Variants in ANOS1 observed in about 807,000 individuals in gnomAD.
The protein encoded by ANOS1 is anosmin 1, also known as anosmin-1.
In ANOS1, 6 loss-of-function variants were observed where a neutral mutation model predicts 59.0. The observed-to-expected ratio is 0.10, with a 90% CI of 0.06 to 0.20. The LOEUF (loss-of-function observed/expected upper bound fraction) is 0.20. Ranked by LOEUF, ANOS1 falls within the 10% of genes least tolerant of loss-of-function variation. ANOS1 has a pLI of 1.00. For missense variants in ANOS1, 433 were observed against 542.3 expected (o/e 0.80, Z 2.00); for synonymous variants, 217 against 223.4 (o/e 0.97, Z 0.25).
At chrX:8,648,894 T>C (rs1277161194) in intron 2 of ANOS1, among the ~76,000 whole-genome samples, 1 of 111,812 alleles carries the variant, frequency 8.9e-6, no homozygotes, top group Non-Finnish European at 1.9e-5. Context: ...ACTACCAGCA[T>C]CAGGTGCACT....
intron 3 of ANOS1, among the ~76,000 whole-genome samples, chrX:8,615,563 A>G (rs1204004701): frequency 5.6e-5 from 6 of 106,538 alleles, no homozygotes; most frequent in Non-Finnish European, 1.9e-5. Flanking sequence ...AAAAAAAGAA[A>G]AGAAAAGAAA....
chrX:8,691,553 G>A (rs1932608922), intron 2 of ANOS1, among the ~76,000 whole-genome samples: 1 of 111,312 alleles, frequency 9.0e-6, no homozygotes, highest in Non-Finnish European at 1.9e-5. Context: ...GGATGAATAG[G>A]GTCAATAAGG....
chrX:8,559,099 C>A (rs1037959603), intron 8 of ANOS1, among the ~76,000 whole-genome samples: 1 of 111,778 alleles, frequency 8.9e-6, no homozygotes, highest in African/African-American at 3.3e-5. Flanking sequence ...CCAGGCAAAT[C>A]TGCTCTAATG....
At position 8,673,703 on chromosome X, in the gene ANOS1, G is replaced by T. The variant is rs746831627; in HGVS notation, c.255+25995C>A. On this transcript the variant is annotated intron_variant, in intron 2 of 13. Transcript: ENST00000262648. ...TGAATTGTGCATCCTGTTATGCCTC[G>T]AAACGTTAACTCAACTCATATTTTT... Among the ~76,000 whole-genome samples the T allele has an allele frequency of 1.4e-3, 156 of 111,161 alleles. 1 individual carries two copies. The highest frequency in any genetic ancestry group is 2.3e-3 in the Non-Finnish European group (120 of 53,064).
rs919038235 is a variant in ANOS1, at chrX:8,583,853, T to A, written c.856+1414A>T. On this transcript the variant is annotated intron_variant, in intron 6 of 13. Coordinates refer to ENST00000262648, the MANE Select transcript of ANOS1 (RefSeq NM_000216.4). Reference sequence around the variant, plus strand: ...CATTCTAGATTATAAGTTGCTCCGATATACTAGGAAGTGTCAGGACAGCTT... The same window carrying A: ...CATTCTAGATTATAAGTTGCTCCGAAATACTAGGAAGTGTCAGGACAGCTT... Among the ~76,000 whole-genome samples the A allele has an allele frequency of 2.7e-5, 3 of 111,959 alleles. No individual in the cohort carries two copies. The Admixed American group carries it at 2.8e-4, about 11-fold the overall frequency.
intron 2 of ANOS1, among the ~76,000 whole-genome samples, chrX:8,664,190 C>T (rs764167302): frequency 5.4e-5 from 6 of 111,454 alleles, no homozygotes; most frequent in Non-Finnish European, 9.4e-5. Flanking sequence ...ATAAAATAAA[C>T]TTTGTTTGTT....
intron 9 of ANOS1, among the ~76,000 whole-genome samples, chrX:8,540,061 G>T (rs1027424365): frequency 9.1e-6 from 1 of 110,015 alleles, no homozygotes; most frequent in African/African-American, 3.3e-5. Flanking sequence ...ATAGCAAAAT[G>T]ATTCCAAAGA....
intron 9 of ANOS1, among the ~76,000 whole-genome samples, chrX:8,547,335 C>G (rs1044508015): frequency 1.8e-5 from 2 of 111,823 alleles, no homozygotes; most frequent in Non-Finnish European, 3.8e-5. Context: ...CATTCCCGAT[C>G]TTTCTCCCAG....
chrX:8,532,208 G>T lies in ANOS1; in HGVS notation c.*787C>A, dbSNP rs1334063844. 1 of 111,773 alleles carries T rather than the reference G, an allele frequency of 8.9e-6. No homozygotes were observed. The highest frequency in any genetic ancestry group is 3.2e-5 in the African/African-American group (1 of 30,793). The allele number at this position is 111,773 out of a possible 1,213,427, so 9.2% of individuals were successfully genotyped here. The stretch of plus-strand genomic sequence containing the variant: ...ATTATCTGCATTGAGGAAAATAAGG[G>T]AAAATATAAATAAGATAACATATCA... On this transcript the variant is annotated 3_prime_UTR_variant, in exon 14 of 14. Transcript: ENST00000262648.
intron 2 of ANOS1, among the ~76,000 whole-genome samples, chrX:8,668,478 G>C (rs1350867871): frequency 6.3e-5 from 5 of 79,497 alleles, no homozygotes; most frequent in African/African-American, 2.4e-4. Flanking sequence ...ATACATATAT[G>C]ATAGTCCATA....
intron 1 of ANOS1, among the ~76,000 whole-genome samples, chrX:8,725,601 T>TATACAGATATAC (rs1932908037): frequency 1.8e-5 from 1 of 56,133 alleles, no homozygotes; most frequent in African/African-American, 8.2e-5. Context: ...TACAGATATA[T>TATACAGATATAC]ATATACAGAT....
At chrX:8,731,093 C>T (rs145436877) in intron 1 of ANOS1, among the ~76,000 whole-genome samples, 371 of 112,355 alleles carry the variant, frequency 3.3e-3, no homozygotes, top group Non-Finnish European at 5.0e-3. Context: ...ACGGTTCCCC[C>T]GGGACTCGTT....
At chrX:8,567,828 A>G (rs1234149260) in intron 8 of ANOS1, among the ~76,000 whole-genome samples, 1 of 111,051 alleles carries the variant, frequency 9.0e-6, no homozygotes, top group Non-Finnish European at 1.9e-5. Flanking sequence ...AAACAAAACA[A>G]CAACAACAAC....
intron 3 of ANOS1, among the ~76,000 whole-genome samples, chrX:8,617,984 C>T (rs1458092575): frequency 1.8e-5 from 2 of 110,884 alleles, no homozygotes; most frequent in Non-Finnish European, 3.8e-5. Flanking sequence ...GGAAACCCTA[C>T]AATACAGCAG....
chrX:8,650,138 G>A (rs1931827518), intron 2 of ANOS1, among the ~76,000 whole-genome samples: 1 of 112,175 alleles, frequency 8.9e-6, no homozygotes, highest in South Asian at 3.7e-4. Flanking sequence ...GGAGGTTCCA[G>A]TTCTCCTGGG....
intron 9 of ANOS1, among the ~76,000 whole-genome samples, chrX:8,552,656 T>C (rs985958304): frequency 3.6e-5 from 4 of 111,903 alleles, no homozygotes; most frequent in African/African-American, 1.3e-4. Context: ...GTTACTCTTG[T>C]ATGCTTGAGA....
chrX:8,600,929 G>A (rs959699190), intron 3 of ANOS1, among the ~76,000 whole-genome samples: 21 of 112,128 alleles, frequency 1.9e-4, no homozygotes, highest in African/African-American at 5.2e-4. Context: ...GGTGGCTCAC[G>A]CCTGTAATCC....
intron 3 of ANOS1, among the ~76,000 whole-genome samples, chrX:8,613,189 T>C (rs1381110456): frequency 1.9e-5 from 2 of 104,484 alleles, no homozygotes; most frequent in Non-Finnish European, 3.9e-5. Flanking sequence ...TTTCATCTGC[T>C]GATTTTTTCT....
intron 6 of ANOS1, among the ~76,000 whole-genome samples, chrX:8,571,409 AAG>A (rs1930231432): frequency 8.9e-6 from 1 of 111,800 alleles, no homozygotes; most frequent in Non-Finnish European, 1.9e-5. Context: ...TGAAAAGAAA[AAG>A]AAATTCAGCT....
Sources: gnomAD v4.1 joint callset for allele counts (sites outside exome capture counted in the v4.1 genomes callset) on GRCh38, gnomAD v4.1.1 for gene constraint, MANE v1.5 for transcripts, NCBI Gene and HGNC (gene_info 2026-07-23, HGNC 2026-07-21) for gene names.